The following ZNF76 variants were observed in gnomAD, a reference collection of about 807,000 sequenced individuals.
ZNF76 encodes the protein zinc finger protein 76, also known as zinc finger protein 523.
In ZNF76, 66 loss-of-function variants were observed where a neutral mutation model predicts 66.9. The ratio of observed to expected loss-of-function variants is 0.99; its 90% CI spans 0.81 to 1.21. The LOEUF (loss-of-function observed/expected upper bound fraction) is 1.21, where lower values mean the gene tolerates loss of function less well. ZNF76 is among the 50% of genes most tolerant of loss of function. The pLI is 0.00. For synonymous variants in ZNF76, 275 were observed against 296.1 expected (o/e 0.93, Z 0.73); for missense variants, 729 against 760.3 (o/e 0.96, Z 0.48).
chr6:35,271,985 G>T (rs1038643150), intron 1 of ZNF76, among the ~76,000 whole-genome samples: 1 of 151,678 alleles, frequency 6.6e-6, no homozygotes, highest in Non-Finnish European at 1.5e-5. Context: ...CGCACCTGTA[G>T]TTCCACCTAC....
At chr6:35,266,956 G>A (rs534407743) in intron 1 of ZNF76, among the ~76,000 whole-genome samples, 32 of 149,664 alleles carry the variant, frequency 2.1e-4, no homozygotes, top group Admixed American at 4.0e-4. Flanking sequence ...GCCCACCACC[G>A]CGCCCGGCTA....
At chr6:35,261,987 A>T (rs1785322259) in intron 1 of ZNF76, among the ~76,000 whole-genome samples, 1 of 152,216 alleles carries the variant, frequency 6.6e-6, no homozygotes, top group Non-Finnish European at 1.5e-5. Context: ...TAATAAGAGA[A>T]GATTATATAC....
chr6:35,295,314 C>CA lies in ZNF76; in HGVS notation c.*68dup. 7.2e-7 allele frequency: 1 copy of CA among 1,386,506 alleles called. No homozygotes were observed. The highest frequency in any genetic ancestry group is 1.0e-6 in the Non-Finnish European group (1 of 1,004,244). 85.9% of individuals were successfully genotyped at this position (1,386,506 alleles called of 1,614,324 possible). A position where few individuals can be genotyped will look rare whatever the true frequency, so the allele number is the denominator to read the frequency against. Reference sequence around the variant, plus strand: ...CCATCTGCATGGCCACTCTTGCCCCCAAGGGCCCAGGCTGTGGCTGACACA... The same window carrying CA: ...CCATCTGCATGGCCACTCTTGCCCCCAAAGGGCCCAGGCTGTGGCTGACACA... On this transcript the variant is annotated 3_prime_UTR_variant, in exon 14 of 14. Coordinates refer to ENST00000373953, the MANE Select transcript of ZNF76 (RefSeq NM_003427.5).
chr6:35,292,789 T>G lies in ZNF76; in HGVS notation c.1165+2T>G. ...TCTATGAGCAGCAGCAACTTGAGGGTAAGGGGAGTGGGCAGAGGGTGAGAG... is the reference window on the plus strand; with the variant it reads ...TCTATGAGCAGCAGCAACTTGAGGGGAAGGGGAGTGGGCAGAGGGTGAGAG... On this transcript the variant is annotated splice_donor_variant, in intron 10 of 13. Transcript: ENST00000373953. LOFTEE classifies it high-confidence loss of function. This position sits in a 1 kb window ranked among gnomAD's most constrained non-coding sequence, Gnocchi z 4.7. 2 of 1,613,642 alleles carry G rather than the reference T, an allele frequency of 1.2e-6. No individual in the cohort carries two copies. Among genetic ancestry groups the G allele is most frequent in the East Asian group, 2.2e-5 (1 of 44,858 alleles).
chr6:35,287,598 A>G lies in ZNF76; in HGVS notation c.233-48A>G. 3.3e-6 allele frequency: 5 copies of G among 1,534,384 alleles called. No individual in the cohort carries two copies. Among genetic ancestry groups the G allele is most frequent in the Non-Finnish European group, 4.4e-6 (5 of 1,133,914 alleles). On this transcript the variant is annotated intron_variant, in intron 4 of 13. Transcript: ENST00000373953. The surrounding 1 kb of genome is among the most constrained non-coding windows in gnomAD (Gnocchi z 4.0). ...AACTTAAAGCTAGGGTCCCAGCTGT[A>G]TCTCTTCCCCTTGTGTGGCATCAGG...
chr6:35,269,003 G>A (rs1479453845), intron 1 of ZNF76, among the ~76,000 whole-genome samples: 5 of 151,982 alleles, frequency 3.3e-5, no homozygotes, highest in East Asian at 1.9e-4. Context: ...GAGGCCAGCC[G>A]GGTGTGGTGG....
intron 1 of ZNF76, among the ~76,000 whole-genome samples, chr6:35,274,095 GT>G (rs1306646484): frequency 6.6e-6 from 1 of 152,144 alleles, no homozygotes; most frequent in African/African-American, 2.4e-5. Context: ...GTTCTGATTT[GT>G]TTGCCACTCA....
intron 1 of ZNF76, among the ~76,000 whole-genome samples, chr6:35,275,152 C>T (rs1787691069): frequency 6.6e-6 from 1 of 150,770 alleles, no homozygotes; most frequent in Non-Finnish European, 1.5e-5. Context: ...AAGACTCCAT[C>T]TCAAAAAAAA....
chr6:35,266,407 A>G (rs1040346314), intron 1 of ZNF76, among the ~76,000 whole-genome samples: 2 of 152,054 alleles, frequency 1.3e-5, no homozygotes, highest in African/African-American at 4.8e-5. Flanking sequence ...TGGCTCCCAC[A>G]TTTTTGGCCT....
chr6:35,292,504 C>A lies in ZNF76; in HGVS notation c.932-50C>A. 2 of 1,600,928 alleles carry A rather than the reference C, an allele frequency of 1.2e-6. No individual in the cohort carries two copies. The highest frequency in any genetic ancestry group is 8.5e-7 in the Non-Finnish European group (1 of 1,170,788). ...TCCCTCACCCCTGTCCCCTTAGTTT[C>A]CCCCTTGCCAGCCCCAGTTCCCACC... On this transcript the variant is annotated intron_variant, in intron 9 of 13. Transcript: ENST00000373953. This position sits in a 1 kb window ranked among gnomAD's most constrained non-coding sequence, Gnocchi z 4.7.
intron 1 of ZNF76, among the ~76,000 whole-genome samples, chr6:35,266,806 T>TTC (rs1554186963): frequency 1.5e-5 from 2 of 135,184 alleles, no homozygotes; most frequent in Admixed American, 7.4e-5. Flanking sequence ...TCTTTTTTTT[T>TTC]TTTTTTTTTT....
At chr6:35,289,366 G>A (rs1790053285) in intron 5 of ZNF76, among the ~76,000 whole-genome samples, 1 of 152,160 alleles carries the variant, frequency 6.6e-6, no homozygotes, top group South Asian at 2.1e-4. Context: ...TGTCCGTGAA[G>A]CTCTCAGCTG....
At chr6:35,266,797 CTTTTT>C (rs57833954) in intron 1 of ZNF76, among the ~76,000 whole-genome samples, 11 of 93,298 alleles carry the variant, frequency 1.2e-4, no homozygotes, top group East Asian at 7.3e-4. Context: ...TTGTCTATTT[CTTTTT>C]TTTTTTTTTT....
Position 35,290,672 on chromosome 6 carries a change from C to T in ZNF76, c.581C>T (p.Pro194Leu). 6.2e-7 allele frequency: 1 copy of T among 1,614,190 alleles called. No homozygotes were observed. The highest frequency in any genetic ancestry group is 8.5e-7 in the Non-Finnish European group (1 of 1,180,026). The change falls in exon 7 of 14, where the codon CCA becomes CTA. Residue 194 changes from proline to leucine, a missense_variant. Coordinates refer to ENST00000373953, the MANE Select transcript of ZNF76 (RefSeq NM_003427.5). ...VHERAHTGDR[P>L]YRCDFPSCGK... ...GAACGAGCTCATACAGGTGACCGTC[C>T]ATACAGATGTGACTTCCCCAGCTGT... is the stretch of plus-strand genomic sequence containing the variant.
chr6:35,276,071 G>A (rs890040492), intron 1 of ZNF76, among the ~76,000 whole-genome samples: 1 of 152,208 alleles, frequency 6.6e-6, no homozygotes, highest in Non-Finnish European at 1.5e-5. Flanking sequence ...CTAAGCCTCA[G>A]TTGCCTCATC....
chr6:35,292,502 T>G lies in ZNF76; in HGVS notation c.932-52T>G. 6.2e-7 allele frequency: 1 copy of G among 1,604,236 alleles called. No individual in the cohort carries two copies. The highest frequency in any genetic ancestry group is 8.5e-7 in the Non-Finnish European group (1 of 1,173,270). On this transcript the variant is annotated intron_variant, in intron 9 of 13. Transcript: ENST00000373953. This position sits in a 1 kb window ranked among gnomAD's most constrained non-coding sequence, Gnocchi z 4.7. Reference sequence around the variant, plus strand: ...TGTCCCTCACCCCTGTCCCCTTAGTTTCCCCCTTGCCAGCCCCAGTTCCCA... The same window carrying G: ...TGTCCCTCACCCCTGTCCCCTTAGTGTCCCCCTTGCCAGCCCCAGTTCCCA...
chr6:35,292,715 C>G lies in ZNF76; in HGVS notation c.1093C>G (p.Arg365Gly), dbSNP rs773000742. 6.2e-7 allele frequency: 1 copy of G among 1,614,208 alleles called. No individual in the cohort carries two copies. The highest frequency in any genetic ancestry group is 8.5e-7 in the Non-Finnish European group (1 of 1,180,048). The change falls in exon 10 of 14, where the codon CGC becomes GGC. Residue 365 changes from arginine (R) to glycine (G), a missense_variant. Coordinates refer to ENST00000373953, the MANE Select transcript of ZNF76 (RefSeq NM_003427.5). The surrounding 1 kb of genome is among the most constrained non-coding windows in gnomAD (Gnocchi z 4.7). ...GACCTCCACCTTGGCCATGCACAAG[C>G]GCAGTGCCCACGGCGAGCTGGAGGC... The part of the protein sequence containing the change: ...RQTSTLAMHK[R>G]SAHGELEATE...
In ZNF76 at chr6:35,292,129, C is replaced by T; in HGVS notation, c.931+392C>T. On this transcript the variant is annotated intron_variant, in intron 9 of 13. Coordinates refer to ENST00000373953, the MANE Select transcript of ZNF76 (RefSeq NM_003427.5). The surrounding 1 kb of genome is among the most constrained non-coding windows in gnomAD (Gnocchi z 4.7). Reference sequence around the variant, plus strand: ...GTCCATGACTCCTGTGTATCCTCACCCTCCCCAGTGTTATGCCCCTCATCC... The same window carrying T: ...GTCCATGACTCCTGTGTATCCTCACTCTCCCCAGTGTTATGCCCCTCATCC... 2.4e-6 allele frequency: 1 copy of T among 408,402 alleles called. No homozygotes were observed. Among genetic ancestry groups the T allele is most frequent in the Non-Finnish European group, 4.6e-6 (1 of 217,506 alleles). The allele number at this position is 408,402 out of a possible 1,614,324, so 25.3% of individuals were successfully genotyped here.
Position 35,277,898 on chromosome 6 carries a change from C to T in ZNF76, c.-96-3158C>T, listed in dbSNP as rs541019200. Among the ~76,000 whole-genome samples the T allele has an allele frequency of 4.4e-4, 67 of 152,080 alleles. 1 individual carries two copies. The highest frequency in any genetic ancestry group is 7.9e-4 in the Non-Finnish European group (54 of 68,022). On this transcript the variant is annotated intron_variant, in intron 1 of 13. Transcript: ENST00000373953. ...TTTTTGAGACGGAGTCTCACTCTGT[C>T]GCCCAGGCTGGAGTGCAGTGGTGCA...
Sources: gnomAD v4.1 joint callset for allele counts (sites outside exome capture counted in the v4.1 genomes callset) on GRCh38, gnomAD v4.1.1 for gene constraint, Gnocchi (gnomAD v3.1) non-coding constraint, MANE v1.5 for transcripts, NCBI Gene and HGNC (gene_info 2026-07-23, HGNC 2026-07-21) for gene names.